The following TENM3 variants were observed in gnomAD, a reference collection of about 807,000 sequenced individuals.
TENM3 encodes the protein teneurin transmembrane protein 3.
A neutral mutation model predicts 255.1 loss-of-function variants in TENM3; 63 were observed. The ratio of observed to expected loss-of-function variants is 0.25; its 90% CI spans 0.20 to 0.30. The LOEUF (loss-of-function observed/expected upper bound fraction) is 0.30, where lower values mean the gene tolerates loss of function less well. Among genes scored for constraint, TENM3 ranks in the 10% least tolerant of loss-of-function variants. The probability of loss-of-function intolerance (pLI) is 1.00; values close to 1 mark genes in which losing one functional copy is unlikely to be tolerated. For synonymous variants in TENM3, 1,306 were observed against 1,322.3 expected, an observed-to-expected ratio of 0.99 and a Z score of 0.27; for missense variants, 2,929 against 3,461.1, an observed-to-expected ratio of 0.85 and a Z score of 3.86.
At chr4:181,919,839 C>A in the TENM3 span, among the ~76,000 whole-genome samples, 2 of 149,962 alleles carry the variant, frequency 1.3e-5, no homozygotes, top group Non-Finnish European at 3.0e-5. Context: ...CCCATTAACT[C>A]GTCATTTAGC....
chr4:182,317,716 A>T (rs540961688), intron 1 of TENM3, among the ~76,000 whole-genome samples: 24 of 150,044 alleles, frequency 1.6e-4, no homozygotes, highest in Admixed American at 4.0e-4. Context: ...CACTACCAAA[A>T]ATATATATAT....
intron 1 of TENM3, among the ~76,000 whole-genome samples, chr4:182,216,744 C>G (rs1328358561): frequency 6.6e-6 from 1 of 152,104 alleles, no homozygotes; most frequent in Non-Finnish European, 1.5e-5. Context: ...TTGTGGTGTT[C>G]AATAAATGTT....
At chr4:182,573,208 T>C (rs1744583320) in intron 3 of TENM3, among the ~76,000 whole-genome samples, 1 of 152,148 alleles carries the variant, frequency 6.6e-6, no homozygotes, top group South Asian at 2.1e-4. Context: ...TATCTCAGCA[T>C]TGTCAGGATT....
the TENM3 span, among the ~76,000 whole-genome samples, chr4:181,536,485 T>TA: frequency 6.6e-6 from 1 of 152,196 alleles, no homozygotes; most frequent in East Asian, 1.9e-4. Context: ...ACATATATGT[T>TA]AGAGTTGGAG....
At chr4:182,768,971 T>A (rs765201329) in intron 22 of TENM3, among the ~76,000 whole-genome samples, 3 of 152,186 alleles carry the variant, frequency 2.0e-5, no homozygotes, top group Non-Finnish European at 4.4e-5. Context: ...ATGAAGTTGA[T>A]GTTCTATTCA....
At chr4:181,939,415 T>C in the TENM3 span, among the ~76,000 whole-genome samples, 1 of 152,300 alleles carries the variant, frequency 6.6e-6, no homozygotes, top group South Asian at 2.1e-4. Flanking sequence ...ATGTCCTCCA[T>C]GGGAAACAGG....
chr4:182,087,138 T>C, the TENM3 span, among the ~76,000 whole-genome samples: 1 of 152,278 alleles, frequency 6.6e-6, no homozygotes, highest in African/African-American at 2.4e-5. Context: ...CATTCTGAGT[T>C]TCCCCCTGTC....
chr4:181,893,224 G>A, the TENM3 span, among the ~76,000 whole-genome samples: 1 of 152,118 alleles, frequency 6.6e-6, no homozygotes, highest in African/African-American at 2.4e-5. Flanking sequence ...CAAAAACGGT[G>A]TTCCATAAAT....
chr4:182,746,133 C>T (rs1200044090), intron 19 of TENM3, among the ~76,000 whole-genome samples: 1 of 152,174 alleles, frequency 6.6e-6, no homozygotes, highest in African/African-American at 2.4e-5. Context: ...CCTCTCAGAA[C>T]TCACAATCTA....
the TENM3 span, among the ~76,000 whole-genome samples, chr4:181,835,620 G>A: frequency 0.039 from 5,982 of 152,238 alleles, 160 homozygotes; most frequent in South Asian, 0.054. Flanking sequence ...TGTGATTCAG[G>A]AGAATCTATT....
chr4:182,105,541 A>T, the TENM3 span, among the ~76,000 whole-genome samples: 1 of 152,236 alleles, frequency 6.6e-6, no homozygotes, highest in Non-Finnish European at 1.5e-5. Flanking sequence ...CGGGGAAAGG[A>T]TACAGATCAA....
chr4:182,396,635 G>A (rs1768834788), intron 3 of TENM3, among the ~76,000 whole-genome samples: 1 of 152,060 alleles, frequency 6.6e-6, no homozygotes. Flanking sequence ...GACTTCTTTT[G>A]AATCAAGCCA....
intron 1 of TENM3, among the ~76,000 whole-genome samples, chr4:182,251,125 G>A (rs1329689823): frequency 6.6e-6 from 1 of 152,128 alleles, no homozygotes; most frequent in African/African-American, 2.4e-5. Context: ...TTGAGGTCTG[G>A]ATTTCCAGGT....
chr4:181,580,208 G>T, the TENM3 span, among the ~76,000 whole-genome samples: 1 of 151,950 alleles, frequency 6.6e-6, no homozygotes, highest in Admixed American at 6.6e-5. Context: ...ATGTTGCTCA[G>T]GCTGGGCTTG....
chr4:182,023,722 T>G, the TENM3 span, among the ~76,000 whole-genome samples: 1 of 152,336 alleles, frequency 6.6e-6, no homozygotes, highest in African/African-American at 2.4e-5. Flanking sequence ...GGGAGTATTT[T>G]GTGAACAATA....
intron 22 of TENM3, among the ~76,000 whole-genome samples, chr4:182,767,470 G>T (rs763978667): frequency 6.6e-6 from 1 of 152,162 alleles, no homozygotes; most frequent in Non-Finnish European, 1.5e-5. Context: ...AGATGGAGGG[G>T]ATTGTTTGTT....
At chr4:182,293,352 A>T (rs1225360607) in intron 1 of TENM3, among the ~76,000 whole-genome samples, 1 of 152,184 alleles carries the variant, frequency 6.6e-6, no homozygotes, top group Admixed American at 6.5e-5. Flanking sequence ...CCCTTATCAG[A>T]GTCCACATGG....
chr4:182,669,393 C>A (rs973008099), intron 6 of TENM3, among the ~76,000 whole-genome samples: 28 of 152,160 alleles, frequency 1.8e-4, no homozygotes, highest in African/African-American at 6.5e-4. Flanking sequence ...CCTCAGCCTC[C>A]CGAGTAGCTG....
chr4:181,729,337 G>A, the TENM3 span, among the ~76,000 whole-genome samples: 3 of 152,234 alleles, frequency 2.0e-5, no homozygotes, highest in Admixed American at 1.3e-4. Flanking sequence ...TGCTCTAAAC[G>A]TGCTTGCCAG....
Sources: allele counts gnomAD v4.1 joint callset (sites outside exome capture counted in the v4.1 genomes callset), GRCh38; gene constraint gnomAD v4.1.1; transcripts MANE v1.5; gene names NCBI Gene and HGNC (gene_info 2026-07-23, HGNC 2026-07-21).